Variants in CAVIN4 observed in about 807,000 individuals in gnomAD.
CAVIN4 encodes caveolae associated protein 4.
Under a neutral mutation model 18.6 loss-of-function variants are expected in CAVIN4, and 10 were observed. The ratio of observed to expected loss-of-function variants is 0.54; its 90% CI spans 0.33 to 0.91. The LOEUF (loss-of-function observed/expected upper bound fraction) is 0.91. Ranked by LOEUF, CAVIN4 falls within the 40% of genes least tolerant of loss-of-function variation. CAVIN4 has a pLI of 0.02. For synonymous variants in CAVIN4, 173 were observed against 164.8 expected (o/e 1.05, Z -0.38); for missense variants, 459 against 440.5 (o/e 1.04, Z -0.38).
chr9:100,583,176 C>T (rs1839445044), intron 1 of CAVIN4, among the ~76,000 whole-genome samples: 1 of 152,162 alleles, frequency 6.6e-6, no homozygotes, highest in Admixed American at 6.5e-5. Flanking sequence ...TAGCCCAGCC[C>T]TCTCTTCTGA....
intron 1 of CAVIN4, among the ~76,000 whole-genome samples, chr9:100,582,149 C>T (rs909548241): frequency 3.3e-5 from 5 of 152,024 alleles, no homozygotes; most frequent in East Asian, 1.9e-4. Flanking sequence ...AATTTTAACT[C>T]GTGGTTCAGT....
chr9:100,579,921 T>C (rs1839410253), intron 1 of CAVIN4, among the ~76,000 whole-genome samples: 2 of 152,078 alleles, frequency 1.3e-5, no homozygotes, highest in Non-Finnish European at 2.9e-5. Context: ...TGGAGTGGTA[T>C]TTTAGGTCTG....
chr9:100,586,643 T>C lies in CAVIN4; in HGVS notation c.*192T>C. The stretch of plus-strand genomic sequence containing the variant: ...GGCAGCTGTGGATTTTTTAGTTCCT[T>C]TCTCTTGTCCACCAGAAAAATAGTT... On this transcript the variant is annotated 3_prime_UTR_variant, in exon 2 of 2. Transcript: ENST00000307584. The C allele has an allele frequency of 2.2e-6, 1 of 445,774 alleles. No homozygotes were observed. The allele number at this position is 445,774 out of a possible 1,614,324, so 27.6% of individuals were successfully genotyped here.
At chr9:100,581,114 A>G (rs1320275720) in intron 1 of CAVIN4, 2 of 152,182 alleles carry the variant, frequency 1.3e-5, no homozygotes, top group East Asian at 1.9e-4. Context: ...ACTTTTGTAT[A>G]TTCAGAATTT....
upstream of CAVIN4, chr9:100,578,029 G>A (rs1321365675): frequency 2.1e-6 from 2 of 968,870 alleles, no homozygotes; most frequent in Non-Finnish European, 3.2e-6. Flanking sequence ...CCGTTCTCTA[G>A]GGGTGGGGTT....
Position 100,586,165 on chromosome 9 carries a change from A to T in CAVIN4, c.809A>T (p.Lys270Met). ...GCAGCTCCCTCAAAGGAAGCTTTTA[A>T]GATGCGCAGCCTCAGGAAAGGTAAG... The part of the protein sequence containing the change: ...SNAAPSKEAF[K>M]MRSLRKGKDR... The change falls in exon 2 of 2, where the codon AAG (lysine) becomes ATG (methionine). Residue 270 changes from lysine (K) to methionine (M), a missense_variant. Transcript: ENST00000307584. 6.4e-7 allele frequency: 1 copy of T among 1,564,576 alleles called. No homozygotes were observed. The highest frequency in any genetic ancestry group is 8.6e-7 in the Non-Finnish European group (1 of 1,158,496).
rs2118615308 is a variant in CAVIN4, at chr9:100,586,117, G to C, written c.761G>C (p.Arg254Thr). 13 of 1,592,138 alleles carry C rather than the reference G, an allele frequency of 8.2e-6. No individual in the cohort carries two copies. The highest frequency in any genetic ancestry group is 1.1e-5 in the Non-Finnish European group (13 of 1,170,238). ...SGERLRQSGE[R>T]FKKSISNAAP... ...GAGAGGCTGAGACAGTCAGGGGAGA[G>C]GTTTAAGAAATCTATTTCTAATGCA... The change falls in exon 2 of 2, where the codon AGG (arginine) becomes ACG (threonine). Residue 254 changes from arginine (R) to threonine (T), a missense_variant. Transcript: ENST00000307584.
chr9:100,584,855 AAAG>A (rs1161428332), intron 1 of CAVIN4, among the ~76,000 whole-genome samples: 5 of 152,170 alleles, frequency 3.3e-5, no homozygotes, highest in African/African-American at 9.7e-5. Context: ...GTCTTTATGA[AAAG>A]AAGAAGATAC....
intron 1 of CAVIN4, among the ~76,000 whole-genome samples, chr9:100,584,863 A>C (rs1290253944): frequency 1.3e-5 from 2 of 152,202 alleles, no homozygotes; most frequent in Admixed American, 1.3e-4. Flanking sequence ...GAAAAGAAGA[A>C]GATACCAGAA....
intron 1 of CAVIN4, among the ~76,000 whole-genome samples, chr9:100,579,150 A>G (rs1318793598): frequency 6.6e-6 from 1 of 152,202 alleles, no homozygotes; most frequent in South Asian, 2.1e-4. Context: ...TGAGTCACAT[A>G]AGTAGTTTCC....
At chr9:100,580,343 G>T (rs909142247) in intron 1 of CAVIN4, among the ~76,000 whole-genome samples, 1 of 152,092 alleles carries the variant, frequency 6.6e-6, no homozygotes, top group African/African-American at 2.4e-5. Context: ...ATTTTCAGAG[G>T]CCAGTTCCAG....
At chr9:100,579,655 T>G (rs537363498) in intron 1 of CAVIN4, among the ~76,000 whole-genome samples, 2 of 152,214 alleles carry the variant, frequency 1.3e-5, no homozygotes, top group African/African-American at 4.8e-5. Context: ...AAATCAGGAA[T>G]GTGTGTAGGA....
At chr9:100,577,189 G>A (rs1031399311), upstream of CAVIN4, 2 of 152,574 alleles carry the variant, frequency 1.3e-5, no homozygotes, top group Non-Finnish European at 1.5e-5. Flanking sequence ...AAATATGTTA[G>A]TAATGATGGA....
chr9:100,583,610 GCCATTTAT>G (rs1372797893), intron 1 of CAVIN4, among the ~76,000 whole-genome samples: 1 of 147,586 alleles, frequency 6.8e-6, no homozygotes, highest in Non-Finnish European at 1.5e-5. Flanking sequence ...TCTCCTGCAA[GCCATTTAT>G]TCATTCATTC....
chr9:100,580,899 A>G (rs915843029), intron 1 of CAVIN4, among the ~76,000 whole-genome samples: 3 of 152,248 alleles, frequency 2.0e-5, no homozygotes, highest in African/African-American at 7.2e-5. Flanking sequence ...AGCTGTATAC[A>G]TGGTCACATG....
Position 100,582,143 on chromosome 9 carries a change from TTAAC to T in CAVIN4, c.408+3594_408+3597del, listed in dbSNP as rs982472634. On this transcript the variant is annotated intron_variant, in intron 1 of 1. Coordinates refer to ENST00000307584, the MANE Select transcript of CAVIN4 (RefSeq NM_001018116.2). ...GGGGGCACAGTTTCTTTTAGAAATT[TTAAC>T]TCGTGGTTCAGTTAAAAATCTCATG... 1.1e-4 allele frequency among the ~76,000 whole-genome samples: 17 copies of T among 152,320 alleles called. 1 individual carries two copies. The highest frequency in any genetic ancestry group is 4.1e-4 in the African/African-American group (17 of 41,572).
At position 100,586,039 on chromosome 9, in the gene CAVIN4, C is replaced by G; in HGVS notation, c.683C>G (p.Pro228Arg). The stretch of plus-strand genomic sequence containing the variant: ...AGAATTAGAACTAGAATAGTGACCC[C>G]GGAGAGGAGAGAGAGGCTAAGGCAG... ...VNRIRTRIVT[P>R]ERRERLRQSG... Residue 228 changes from proline (P) to arginine (R), a missense_variant, in exon 2 of 2, where the codon CCG becomes CGG. Pro to Arg is a moderately radical substitution (Grantham distance 103, BLOSUM62 -2). Coordinates refer to ENST00000307584, the MANE Select transcript of CAVIN4 (RefSeq NM_001018116.2). 6.2e-7 allele frequency: 1 copy of G among 1,614,064 alleles called. No individual in the cohort carries two copies. Among genetic ancestry groups the G allele is most frequent in the South Asian group, 1.1e-5 (1 of 91,058 alleles).
upstream of CAVIN4, chr9:100,577,165 C>T (rs1264656581): frequency 6.6e-6 from 1 of 152,310 alleles, no homozygotes; most frequent in East Asian, 1.9e-4. Flanking sequence ...AAAAATAGTC[C>T]TAATAATTTG....
chr9:100,587,842 AT>A lies in CAVIN4; in HGVS notation c.*1393del, dbSNP rs1272949052. On this transcript the variant is annotated 3_prime_UTR_variant, in exon 2 of 2. Coordinates refer to ENST00000307584, the MANE Select transcript of CAVIN4 (RefSeq NM_001018116.2). The stretch of plus-strand genomic sequence containing the variant: ...GAGGCGGAGGTTGCAGTGAGCCGAG[AT>A]TGTGCCACTGCACTCAAGCCTGGGC... 1 of 152,288 alleles carries A rather than the reference AT, an allele frequency of 6.6e-6. No individual in the cohort carries two copies. The highest frequency in any genetic ancestry group is 6.5e-5 in the Admixed American group (1 of 15,290). 9.4% of individuals were successfully genotyped at this position (152,288 alleles called of 1,614,324 possible). A position where few individuals can be genotyped will look rare whatever the true frequency, so the allele number is the denominator to read the frequency against.
Sources: allele counts gnomAD v4.1 joint callset (sites outside exome capture counted in the v4.1 genomes callset), GRCh38; gene constraint gnomAD v4.1.1; transcripts MANE v1.5; gene names NCBI Gene and HGNC (gene_info 2026-07-23, HGNC 2026-07-21).